The following DHRS7C variants were observed in gnomAD, a reference collection of about 807,000 sequenced individuals.
The protein encoded by DHRS7C is dehydrogenase/reductase SDR family member 7C.
DHRS7C carries 28 observed loss-of-function variants against 29.6 expected under a neutral mutation model. The observed-to-expected ratio is 0.95, with a 90% CI of 0.70 to 1.30. The LOEUF is 1.30. DHRS7C is among the 50% of genes most tolerant of loss of function. The pLI, the probability that DHRS7C is intolerant of heterozygous loss-of-function variation, is 0.00. For synonymous variants in DHRS7C, 158 were observed against 160.2 expected (o/e 0.99, Z 0.10); for missense variants, 403 against 393.3 (o/e 1.02, Z -0.21).
chr17:9,778,383 A>C (rs1376486556), intron 3 of DHRS7C, among the ~76,000 whole-genome samples: 3 of 146,604 alleles, frequency 2.0e-5, no homozygotes, highest in African/African-American at 7.5e-5. Context: ...AATAGAGGCG[A>C]GACTCCGTCT....
At chr17:9,779,685 G>C (rs2066382341) in intron 3 of DHRS7C, 140 bp downstream of exon 3, 1 of 800,764 alleles carries the variant, frequency 1.2e-6, no homozygotes, top group Non-Finnish European at 1.9e-6. Context: ...AATGGTGAAA[G>C]CTTTCACCCA....
At chr17:9,771,802 C>T in intron 5 of DHRS7C, 106 bp from the exon 6 acceptor site, 2 of 1,163,860 alleles carry the variant, frequency 1.7e-6, no homozygotes, top group South Asian at 3.1e-5. Flanking sequence ...GTGGGCTGTC[C>T]CCGGAGTCAC....
At chr17:9,784,389 G>A (rs2066410997) in intron 1 of DHRS7C, among the ~76,000 whole-genome samples, 1 of 151,658 alleles carries the variant, frequency 6.6e-6, no homozygotes, top group Non-Finnish European at 1.5e-5. Context: ...GGTGAATGGC[G>A]TGAACCCAGG....
rs1373674651 is a variant in DHRS7C, at chr17:9,772,873, G to C, written c.621C>G (p.Ala207=). 6.2e-7 allele frequency: 1 copy of C among 1,613,796 alleles called. No individual in the cohort carries two copies. Among genetic ancestry groups the C allele is most frequent in the East Asian group, 2.2e-5 (1 of 44,886 alleles). The change falls in exon 5 of 6, where the codon GCC becomes GCG. Residue 207 remains alanine (A), a synonymous_variant. Transcript: ENST00000571134. ...AALGFFDCLR[A]EVEEYDVVIS... is the part of the protein sequence containing the mutation. ...TGACAACATCGTATTCCTCCACTTC[G>C]GCTCGGAGGCAGTCAAAGAAGCCCA... is the stretch of plus-strand genomic sequence containing the variant.
At chr17:9,782,894 AG>A (rs111922366) in intron 1 of DHRS7C, 2 of 152,230 alleles carry the variant, frequency 1.3e-5, no homozygotes, top group South Asian at 2.1e-4. Flanking sequence ...AAGTGAACTC[AG>A]GGTTGTGTGA....
intron 1 of DHRS7C, among the ~76,000 whole-genome samples, chr17:9,786,027 T>G (rs1597929983): frequency 6.6e-6 from 1 of 151,624 alleles, no homozygotes; most frequent in Non-Finnish European, 1.5e-5. Flanking sequence ...TTGCATAATC[T>G]AATAGTAATC....
At chr17:9,779,111 T>C (rs1416065735) in intron 3 of DHRS7C, among the ~76,000 whole-genome samples, 10 of 152,146 alleles carry the variant, frequency 6.6e-5, no homozygotes, top group African/African-American at 2.2e-4. Flanking sequence ...GGTTTCACCA[T>C]GTTGGCCAGG....
intron 3 of DHRS7C, among the ~76,000 whole-genome samples, chr17:9,778,267 G>A (rs909894118): frequency 3.3e-5 from 5 of 151,942 alleles, no homozygotes; most frequent in South Asian, 2.1e-4. Context: ...GGTGGCGGGC[G>A]CCTGTAGTCC....
intron 1 of DHRS7C, among the ~76,000 whole-genome samples, chr17:9,790,783 C>T (rs1185282896): frequency 6.6e-6 from 1 of 152,212 alleles, no homozygotes. Flanking sequence ...AACCCAGCTC[C>T]TGAGTCTGGG....
chr17:9,772,958 A>T lies in DHRS7C; in HGVS notation c.572-36T>A, dbSNP rs374827411. On this transcript the variant is annotated intron_variant, in intron 4 of 5. Coordinates refer to ENST00000571134, the MANE Select transcript of DHRS7C (RefSeq NM_001105571.3). Reference sequence around the variant, plus strand: ...AACCATCCGGAGGTGGGCGCAGGACACTCCCGGCCCTGCTTCCTGGTGGGC... The same window carrying T: ...AACCATCCGGAGGTGGGCGCAGGACTCTCCCGGCCCTGCTTCCTGGTGGGC... 1.9e-6 allele frequency: 3 copies of T among 1,605,594 alleles called. No homozygotes were observed. In the African/African-American group the frequency reaches 4.0e-5, roughly 22 times the overall value.
chr17:9,790,329 T>G (rs2066447776), intron 1 of DHRS7C, among the ~76,000 whole-genome samples: 1 of 152,202 alleles, frequency 6.6e-6, no homozygotes, highest in Non-Finnish European at 1.5e-5. Context: ...CATATAAAGT[T>G]GTACTACCAT....
In DHRS7C at chr17:9,774,261, C is replaced by T. The variant is rs962804829; in HGVS notation, c.572-1339G>A. ...TTCATCAGTGGGGCAGACACGTGGA[C>T]AGGTAACTTTCCATGTGGTGTTTTT... On this transcript the variant is annotated intron_variant, in intron 4 of 5. Transcript: ENST00000571134. This position sits in a 1 kb window ranked among gnomAD's most constrained non-coding sequence, Gnocchi z 5.0. 4.6e-5 allele frequency among the ~76,000 whole-genome samples: 7 copies of T among 152,072 alleles called. No individual in the cohort carries two copies. The highest frequency in any genetic ancestry group is 1.7e-4 in the African/African-American group (7 of 41,392).
chr17:9,773,442 T>A (rs1483595389), intron 4 of DHRS7C, among the ~76,000 whole-genome samples: 1 of 152,064 alleles, frequency 6.6e-6, no homozygotes, highest in African/African-American at 2.4e-5. Flanking sequence ...CAAATCCAGT[T>A]CAAATCGTAG....
rs779370845 is a variant in DHRS7C, at chr17:9,781,551, C to T, written c.198G>A (p.Leu66=). ...VFHTGGARLV[L]CGKNWERLEN... is the part of the protein sequence containing the mutation. Reference sequence around the variant, plus strand: ...CTAGCCTCTCCCAGTTCTTTCCACACAGCACCAGCCTTGCCCCACCTGTGT... The same window carrying T: ...CTAGCCTCTCCCAGTTCTTTCCACATAGCACCAGCCTTGCCCCACCTGTGT... Residue 66 remains leucine (L), a synonymous_variant, in exon 2 of 6, where the codon CTG becomes CTA. Coordinates refer to ENST00000571134, the MANE Select transcript of DHRS7C (RefSeq NM_001105571.3). 3 of 1,614,046 alleles carry T rather than the reference C, an allele frequency of 1.9e-6. No individual in the cohort carries two copies.
intron 1 of DHRS7C, among the ~76,000 whole-genome samples, chr17:9,785,558 A>G (rs1050354596): frequency 1.9e-4 from 29 of 152,214 alleles, no homozygotes; most frequent in Non-Finnish European, 4.0e-4. Flanking sequence ...AGGGCAGTGG[A>G]ACTCCAAAGG....
chr17:9,781,365 A>G, intron 2 of DHRS7C, 117 bp downstream of exon 2: 2 of 913,798 alleles, frequency 2.2e-6, no homozygotes, highest in Non-Finnish European at 3.4e-6. Flanking sequence ...TCATTGCCTC[A>G]CATTCCCCAG....
Position 9,774,431 on chromosome 17 carries a change from C to T in DHRS7C, c.572-1509G>A, listed in dbSNP as rs758914902. ...TCCCGAGTAACTGAGATTATGGGTA[C>T]ACACCATCATGCCTGGCTAATTTTT... On this transcript the variant is annotated intron_variant, in intron 4 of 5. Transcript: ENST00000571134. This position sits in a 1 kb window ranked among gnomAD's most constrained non-coding sequence, Gnocchi z 5.0. 2.0e-5 allele frequency among the ~76,000 whole-genome samples: 3 copies of T among 152,072 alleles called. No individual in the cohort carries two copies. The highest frequency in any genetic ancestry group is 6.6e-5 in the Admixed American group (1 of 15,260).
chr17:9,779,003 AG>A (rs1054375959), intron 3 of DHRS7C, among the ~76,000 whole-genome samples: 1 of 152,084 alleles, frequency 6.6e-6, no homozygotes, highest in African/African-American at 2.4e-5. Context: ...TCAGCCTCCC[AG>A]GTTCAGAAGA....
intron 3 of DHRS7C, 140 bp downstream of exon 3, chr17:9,779,685 G>T: frequency 1.2e-6 from 1 of 800,882 alleles, no homozygotes; most frequent in Non-Finnish European, 1.9e-6. Context: ...AATGGTGAAA[G>T]CTTTCACCCA....
Sources: allele counts gnomAD v4.1 joint callset (sites outside exome capture counted in the v4.1 genomes callset), GRCh38; gene constraint gnomAD v4.1.1; non-coding constraint Gnocchi (gnomAD v3.1); transcripts MANE v1.5; gene names NCBI Gene and HGNC (gene_info 2026-07-23, HGNC 2026-07-21).